The following DISC1 variants were observed in gnomAD, a reference collection of about 807,000 sequenced individuals.
DISC1 encodes the protein DISC1 scaffold protein, also known as disrupted in schizophrenia 1 protein.
Under a neutral mutation model 84.5 loss-of-function variants are expected in DISC1, and 57 were observed. The observed-to-expected ratio is 0.67, with a 90% confidence interval of 0.55 to 0.84. The LOEUF is 0.84. Ranked by LOEUF, DISC1 falls within the 40% of genes least tolerant of loss-of-function variation. The probability of loss-of-function intolerance (pLI) is 0.00; values close to 1 mark genes in which losing one functional copy is unlikely to be tolerated. For missense variants in DISC1, 1,000 were observed against 1,057.8 expected, an observed-to-expected ratio of 0.95 and a Z score of 0.76; for synonymous variants, 411 against 415.2, an observed-to-expected ratio of 0.99 and a Z score of 0.12.
intron 9 of DISC1, among the ~76,000 whole-genome samples, chr1:231,832,092 A>G (rs1390845103): frequency 6.6e-6 from 1 of 152,218 alleles, no homozygotes; most frequent in Non-Finnish European, 1.5e-5. Context: ...GGCTGGATTG[A>G]AGTCCATGCC....
chr1:231,705,141 A>G (rs1329851372), intron 3 of DISC1, among the ~76,000 whole-genome samples: 2 of 151,404 alleles, frequency 1.3e-5, no homozygotes, highest in African/African-American at 2.4e-5. Flanking sequence ...ACAAAAAATT[A>G]GCCGGGCATG....
chr1:231,756,369 A>G (rs528609845), intron 4 of DISC1, among the ~76,000 whole-genome samples: 2 of 152,320 alleles, frequency 1.3e-5, no homozygotes, highest in Admixed American at 1.3e-4. Context: ...CTCCTTGAGG[A>G]CAAGACTGTA....
intron 9 of DISC1, among the ~76,000 whole-genome samples, chr1:231,926,561 C>T (rs1330485774): frequency 6.6e-6 from 1 of 152,182 alleles, no homozygotes; most frequent in African/African-American, 2.4e-5. Context: ...TTTCTATAAA[C>T]TTGGTGACTG....
At chr1:231,752,397 A>G (rs1413159069) in intron 4 of DISC1, among the ~76,000 whole-genome samples, 1 of 152,096 alleles carries the variant, frequency 6.6e-6, no homozygotes, top group African/African-American at 2.4e-5. Flanking sequence ...AGAGAGAGAG[A>G]AAAGAGGGAG....
chr1:232,029,634 G>C (rs1277742985), intron 12 of DISC1, among the ~76,000 whole-genome samples: 2 of 152,228 alleles, frequency 1.3e-5, no homozygotes, highest in Non-Finnish European at 2.9e-5. Context: ...TACTGTGCAT[G>C]TGAGGTACCC....
intron 1 of DISC1, among the ~76,000 whole-genome samples, chr1:231,669,493 C>T (rs1392986228): frequency 6.6e-6 from 1 of 152,038 alleles, no homozygotes; most frequent in African/African-American, 2.4e-5. Flanking sequence ...GTCTAATATC[C>T]AGCATCTATA....
At chr1:231,979,338 G>T (rs77925936) in intron 10 of DISC1, among the ~76,000 whole-genome samples, 2,434 of 151,954 alleles carry the variant, frequency 0.016, 45 homozygotes, top group African/African-American at 0.055. Flanking sequence ...TTGATCTGTG[G>T]AAAAATAATC....
chr1:231,969,756 C>G (rs540123738), intron 10 of DISC1, among the ~76,000 whole-genome samples: 3 of 151,974 alleles, frequency 2.0e-5, no homozygotes, highest in Admixed American at 6.5e-5. Context: ...CCTCTCCCCC[C>G]ACCCCATGAC....
At position 231,718,048 on chromosome 1, in the gene DISC1, C is replaced by CT. The variant is rs2069014156; in HGVS notation, c.1117+16027dup. On this transcript the variant is annotated intron_variant, in intron 3 of 12. Transcript: ENST00000439617. ...AAAAAAGCCTGTGGGTCATTGTGGA[C>CT]TTTCAGCTCTCCCGGGACATGAGCC... Among the ~76,000 whole-genome samples, 3 of 152,116 alleles carry CT rather than the reference C, an allele frequency of 2.0e-5. No homozygotes were observed. In the South Asian group the frequency reaches 6.2e-4, roughly 32 times the overall value.
intron 3 of DISC1, among the ~76,000 whole-genome samples, chr1:231,732,801 A>G (rs866441827): frequency 6.6e-6 from 1 of 152,250 alleles, no homozygotes; most frequent in African/African-American, 2.4e-5. Context: ...CCACGATAGT[A>G]GTATTGTGAC....
intron 9 of DISC1, among the ~76,000 whole-genome samples, chr1:231,863,409 T>G (rs530635005): frequency 1.3e-5 from 2 of 151,856 alleles, no homozygotes; most frequent in African/African-American, 4.8e-5. Context: ...TTTTGTACTT[T>G]TAGTAGAGAA....
chr1:231,805,808 G>GGA (rs2079662115), intron 8 of DISC1, among the ~76,000 whole-genome samples: 1 of 152,204 alleles, frequency 6.6e-6, no homozygotes. Context: ...CACTAGTGAA[G>GGA]GAAAGTACAG....
At chr1:231,759,558 T>TAAAAA (rs2075462706) in intron 4 of DISC1, among the ~76,000 whole-genome samples, 2 of 106,136 alleles carry the variant, frequency 1.9e-5, no homozygotes, top group African/African-American at 3.4e-5. Context: ...AAAACAAAAC[T>TAAAAA]AGCCAAATGC....
chr1:231,705,077 A>C (rs1175055459), intron 3 of DISC1, among the ~76,000 whole-genome samples: 1 of 151,744 alleles, frequency 6.6e-6, no homozygotes, highest in Non-Finnish European at 1.5e-5. Flanking sequence ...TCATGAGGTC[A>C]GGAGTTTGAG....
chr1:231,822,434 T>C (rs562038980), intron 9 of DISC1, among the ~76,000 whole-genome samples: 1 of 152,122 alleles, frequency 6.6e-6, no homozygotes. Flanking sequence ...CATTTGTCTT[T>C]CGGTGAGTAA....
intron 6 of DISC1, 85 bp downstream of exon 6, chr1:231,771,155 C>T: frequency 6.8e-7 from 1 of 1,469,782 alleles, no homozygotes; most frequent in South Asian, 1.4e-5. Flanking sequence ...TCTTTCATTT[C>T]TAAACATTTC....
intron 1 of DISC1, among the ~76,000 whole-genome samples, chr1:231,643,057 A>G (rs778410350): frequency 1.6e-4 from 25 of 152,196 alleles, no homozygotes; most frequent in Non-Finnish European, 3.7e-4. Context: ...CTTGTGAGCT[A>G]TTTCCACCAA....
rs2058827594 is a variant in DISC1, at chr1:231,632,714, C to T, written c.67+5780C>T. Among the ~76,000 whole-genome samples, 5 of 152,278 alleles carry T rather than the reference C, an allele frequency of 3.3e-5. No homozygotes were observed. The South Asian group carries it at 1.0e-3, about 32-fold the overall frequency. On this transcript the variant is annotated intron_variant, in intron 1 of 12. Coordinates refer to ENST00000439617, the MANE Select transcript of DISC1 (RefSeq NM_018662.3). ...CATAGTTCTGTATAATTCATCCCTG[C>T]TTAAGATACATTAAATGAATTGAAC...
chr1:232,027,499 A>G (rs147628083), intron 12 of DISC1, among the ~76,000 whole-genome samples: 1 of 151,670 alleles, frequency 6.6e-6, no homozygotes, highest in East Asian at 1.9e-4. Context: ...ATGCATCCGT[A>G]TGAAGCACTC....
Sources: allele counts gnomAD v4.1 joint callset (sites outside exome capture counted in the v4.1 genomes callset), GRCh38; gene constraint gnomAD v4.1.1; transcripts MANE v1.5; gene names NCBI Gene and HGNC (gene_info 2026-07-23, HGNC 2026-07-21).